NKAIN2: variants seen among roughly 807,000 people sequenced by gnomAD.
The protein encoded by NKAIN2 is sodium/potassium-transporting ATPase subunit beta-1-interacting protein 2.
Under a neutral mutation model 32.6 loss-of-function variants are expected in NKAIN2, and 14 were observed. The ratio of observed to expected loss-of-function variants is 0.43; its 90% CI spans 0.28 to 0.67. The LOEUF (loss-of-function observed/expected upper bound fraction) is 0.67. Ranked by LOEUF, NKAIN2 falls within the 30% of genes least tolerant of loss-of-function variation. NKAIN2 has a pLI of 0.17. For missense variants in NKAIN2, 198 were observed against 258.3 expected, an observed-to-expected ratio of 0.77 and a Z score of 1.60; for synonymous variants, 80 against 87.2, an observed-to-expected ratio of 0.92 and a Z score of 0.46.
intron 1 of NKAIN2, among the ~76,000 whole-genome samples, chr6:124,201,820 C>T (rs1314151491): frequency 6.6e-6 from 1 of 151,978 alleles, no homozygotes; most frequent in African/African-American, 2.4e-5. Context: ...AAAATGTTCT[C>T]ACTTTGGAAT....
chr6:124,768,590 A>C (rs1778614230), intron 4 of NKAIN2, among the ~76,000 whole-genome samples: 1 of 152,178 alleles, frequency 6.6e-6, no homozygotes, highest in Non-Finnish European at 1.5e-5. Context: ...CATAAACTTT[A>C]TATACAACAC....
chr6:124,037,041 T>C (rs1781632271), intron 1 of NKAIN2, among the ~76,000 whole-genome samples: 2 of 152,102 alleles, frequency 1.3e-5, no homozygotes, highest in Non-Finnish European at 2.9e-5. Flanking sequence ...TCTAGTCCTT[T>C]CAAACTAGAA....
chr6:124,698,408 G>A (rs1562330414), intron 4 of NKAIN2, among the ~76,000 whole-genome samples: 1 of 152,182 alleles, frequency 6.6e-6, no homozygotes, highest in East Asian at 1.9e-4. Flanking sequence ...AGTAGTGAAA[G>A]TCTGTGTTAC....
intron 1 of NKAIN2, among the ~76,000 whole-genome samples, chr6:124,135,129 T>G (rs1786675511): frequency 6.6e-6 from 1 of 151,984 alleles, no homozygotes; most frequent in Non-Finnish European, 1.5e-5. Context: ...AAGGGAGTTC[T>G]AAATCTTGAA....
At chr6:124,496,814 T>G (rs1054924229) in intron 3 of NKAIN2, among the ~76,000 whole-genome samples, 5 of 152,142 alleles carry the variant, frequency 3.3e-5, no homozygotes, top group Non-Finnish European at 5.9e-5. Flanking sequence ...AAGATTATAT[T>G]GAAAAGATAG....
At chr6:124,270,926 G>A (rs1285872578) in intron 1 of NKAIN2, among the ~76,000 whole-genome samples, 2 of 152,162 alleles carry the variant, frequency 1.3e-5, no homozygotes, top group African/African-American at 4.8e-5. Flanking sequence ...AATCCATTTG[G>A]CTTTGTGTCC....
intron 3 of NKAIN2, among the ~76,000 whole-genome samples, chr6:124,404,620 G>A (rs1317295253): frequency 6.7e-6 from 1 of 150,342 alleles, no homozygotes; most frequent in East Asian, 1.9e-4. Flanking sequence ...AAGTCTTAAT[G>A]ATTTTTTTTT....
At chr6:124,455,216 A>G (rs1451984706) in intron 3 of NKAIN2, among the ~76,000 whole-genome samples, 2 of 152,106 alleles carry the variant, frequency 1.3e-5, no homozygotes, top group Admixed American at 6.6e-5. Context: ...ATGAGTATGC[A>G]TGTCCTTATT....
At chr6:124,748,616 T>C (rs924839040) in intron 4 of NKAIN2, among the ~76,000 whole-genome samples, 3 of 151,918 alleles carry the variant, frequency 2.0e-5, no homozygotes, top group Admixed American at 2.0e-4. Context: ...CAAGATAAAA[T>C]GCAATAAATA....
At chr6:124,529,509 G>C (rs1779442980) in intron 3 of NKAIN2, among the ~76,000 whole-genome samples, 1 of 152,138 alleles carries the variant, frequency 6.6e-6, no homozygotes. Flanking sequence ...CTTTAGTCCA[G>C]TACTCAGTCC....
chr6:124,691,293 C>T (rs911393870), intron 4 of NKAIN2, among the ~76,000 whole-genome samples: 3 of 152,160 alleles, frequency 2.0e-5, no homozygotes, highest in Admixed American at 6.5e-5. Context: ...TCACTACACT[C>T]CTGGACCACT....
intron 1 of NKAIN2, among the ~76,000 whole-genome samples, chr6:124,096,484 T>G (rs1784651787): frequency 2.0e-5 from 3 of 152,216 alleles, no homozygotes; most frequent in African/African-American, 7.2e-5. Flanking sequence ...TCAACAGCTT[T>G]GACCATGTTA....
intron 3 of NKAIN2, among the ~76,000 whole-genome samples, chr6:124,465,406 C>T (rs1776704945): frequency 6.6e-6 from 1 of 151,954 alleles, no homozygotes; most frequent in Admixed American, 6.6e-5. Flanking sequence ...ACCACATGTT[C>T]GCACTCATAA....
intron 4 of NKAIN2, among the ~76,000 whole-genome samples, chr6:124,691,521 C>A (rs1166312019): frequency 6.6e-6 from 1 of 152,162 alleles, no homozygotes; most frequent in African/African-American, 2.4e-5. Context: ...AGGTCCATTA[C>A]CGCCCCCCGC....
At chr6:124,238,458 A>T (rs1421241320) in intron 1 of NKAIN2, among the ~76,000 whole-genome samples, 2 of 152,126 alleles carry the variant, frequency 1.3e-5, no homozygotes, top group Non-Finnish European at 2.9e-5. Context: ...GTTGTGGAAA[A>T]ATAGAAGTCA....
rs1777993954 is a variant in NKAIN2, at chr6:123,964,591, A to C, written c.54+160337A>C. Among the ~76,000 whole-genome samples the C allele has an allele frequency of 6.6e-6, 1 of 152,198 alleles. No individual in the cohort carries two copies. The highest frequency in any genetic ancestry group is 1.5e-5 in the Non-Finnish European group (1 of 68,034). ...GGACTTGGGGATATAGAAAGGGCGT[A>C]TGTAAGAGTTCTAAAAATTATTAAA... On this transcript the variant is annotated intron_variant, in intron 1 of 6. Transcript: ENST00000368417. This position sits in a 1 kb window ranked among gnomAD's most constrained non-coding sequence, Gnocchi z 4.0.
At chr6:124,651,955 A>G (rs1315221720) in intron 3 of NKAIN2, among the ~76,000 whole-genome samples, 3 of 152,192 alleles carry the variant, frequency 2.0e-5, no homozygotes, top group Non-Finnish European at 4.4e-5. Context: ...CATATGGTCA[A>G]GGCTGAAACT....
chr6:124,573,841 G>A (rs1562263870), intron 3 of NKAIN2, among the ~76,000 whole-genome samples: 1 of 152,178 alleles, frequency 6.6e-6, no homozygotes, highest in Non-Finnish European at 1.5e-5. Context: ...TCCTCTGAGA[G>A]TGCAACTGAC....
chr6:124,486,202 G>A (rs891543492), intron 3 of NKAIN2, among the ~76,000 whole-genome samples: 1 of 152,112 alleles, frequency 6.6e-6, no homozygotes, highest in African/African-American at 2.4e-5. Flanking sequence ...TAAAACTCTT[G>A]TTGGCTGAAA....
Sources: gnomAD v4.1 joint callset for allele counts (sites outside exome capture counted in the v4.1 genomes callset) on GRCh38, gnomAD v4.1.1 for gene constraint, Gnocchi (gnomAD v3.1) non-coding constraint, MANE v1.5 for transcripts, NCBI Gene and HGNC (gene_info 2026-07-23, HGNC 2026-07-21) for gene names.